Variants in DLG1 observed in about 807,000 individuals in gnomAD.
DLG1 encodes the protein discs large MAGUK scaffold protein 1, also known as disks large homolog 1.
A neutral mutation model predicts 123.4 loss-of-function variants in DLG1; 42 were observed. That is an observed-to-expected ratio of 0.34 (90% CI 0.27 to 0.44). The LOEUF (loss-of-function observed/expected upper bound fraction) is 0.44, where lower values mean the gene tolerates loss of function less well. Among genes scored for constraint, DLG1 ranks in the 20% least tolerant of loss-of-function variants. The pLI is 1.00. For missense variants in DLG1, 942 were observed against 1,082.6 expected (o/e 0.87, Z 1.82); for synonymous variants, 317 against 356.2 (o/e 0.89, Z 1.24).
chr3:197,283,954 TG>T (rs1249648731), intron 3 of DLG1, among the ~76,000 whole-genome samples: 5 of 148,142 alleles, frequency 3.4e-5, no homozygotes, highest in Non-Finnish European at 7.4e-5. Context: ...CTCCACCTCC[TG>T]GGTTCATGCG....
At chr3:197,154,233 T>G (rs1193784762) in intron 5 of DLG1, among the ~76,000 whole-genome samples, 1 of 148,150 alleles carries the variant, frequency 6.7e-6, no homozygotes, top group African/African-American at 2.5e-5. Context: ...ACCTAGGAGG[T>G]GGAGGTTGCA....
chr3:197,231,841 G>T, intron 4 of DLG1, among the ~76,000 whole-genome samples: 1 of 152,030 alleles, frequency 6.6e-6, no homozygotes, highest in East Asian at 1.9e-4. Flanking sequence ...TGATCAAACT[G>T]CACTACCTTG....
intron 10 of DLG1, among the ~76,000 whole-genome samples, chr3:197,132,041 C>T (rs1286966095): frequency 1.3e-5 from 2 of 152,258 alleles, no homozygotes; most frequent in South Asian, 2.1e-4. Context: ...GGTATTAGCA[C>T]ATAGTTACTC....
chr3:197,161,707 G>A, intron 5 of DLG1: 1 of 1,577,994 alleles, frequency 6.3e-7, no homozygotes, highest in East Asian at 2.4e-5. Flanking sequence ...CACAGGGACA[G>A]TGGGAGGAGA....
intron 6 of DLG1, among the ~76,000 whole-genome samples, chr3:197,147,432 G>GCGCACACACACA (rs967982862): frequency 1.4e-5 from 2 of 147,194 alleles, no homozygotes; most frequent in African/African-American, 5.0e-5. Flanking sequence ...TATATGGTGT[G>GCGCACACACACA]CACACACACA....
intron 4 of DLG1, among the ~76,000 whole-genome samples, chr3:197,200,953 T>C (rs1354583025): frequency 2.6e-5 from 4 of 152,220 alleles, no homozygotes; most frequent in Non-Finnish European, 5.9e-5. Flanking sequence ...TTCACCACTC[T>C]TATTCAACGC....
chr3:197,190,591 C>T (rs1718777074), intron 5 of DLG1, among the ~76,000 whole-genome samples: 1 of 152,182 alleles, frequency 6.6e-6, no homozygotes, highest in African/African-American at 2.4e-5. Context: ...CGCAACTGTG[C>T]CCGCACATTA....
At chr3:197,070,464 C>T (rs1742890729) in intron 18 of DLG1, 1 of 151,212 alleles carries the variant, frequency 6.6e-6, no homozygotes, top group Non-Finnish European at 1.5e-5. Context: ...CTATGTTGCC[C>T]ACACTGGTCT....
Position 197,059,981 on chromosome 3 carries a change from A to C in DLG1, c.2391T>G (p.Leu797=). ...TCTTTATGGCATTTCCAGACACATC[A>C]AGGATACAGTGTTTGCCCTAAAATA... ...EVAEKGKHCI[L]DVSGNAIKRL... Residue 797 remains leucine (L), a synonymous_variant, in exon 23 of 25, where the codon CTT becomes CTG. Transcript: ENST00000667157. 6.2e-7 allele frequency: 1 copy of C among 1,613,378 alleles called. No homozygotes were observed.
chr3:197,200,492 C>T (rs1355022007), intron 4 of DLG1, among the ~76,000 whole-genome samples: 2 of 152,038 alleles, frequency 1.3e-5, no homozygotes, highest in Non-Finnish European at 2.9e-5. Context: ...CCAGTATTAC[C>T]CTGTTATCAA....
At chr3:197,138,927 G>A (rs554851397) in intron 8 of DLG1, among the ~76,000 whole-genome samples, 16 of 152,222 alleles carry the variant, frequency 1.1e-4, no homozygotes, top group South Asian at 4.1e-4. Context: ...CTCACATCAC[G>A]AGTTTAAGGT....
At chr3:197,282,944 G>T in intron 3 of DLG1, 99 bp from the exon 4 acceptor site, 1 of 637,050 alleles carries the variant, frequency 1.6e-6, no homozygotes, top group Non-Finnish European at 2.6e-6. Context: ...TTTTACTCTA[G>T]ATTAGTAAAT....
intron 11 of DLG1, among the ~76,000 whole-genome samples, chr3:197,120,057 C>T (rs577424601): frequency 1.2e-3 from 183 of 152,132 alleles, no homozygotes; most frequent in African/African-American, 4.2e-3. Flanking sequence ...GTCAGGAGTT[C>T]GCGACCAGCC....
chr3:197,274,017 T>C (rs1579152773), intron 4 of DLG1, among the ~76,000 whole-genome samples: 2 of 152,274 alleles, frequency 1.3e-5, no homozygotes, highest in South Asian at 4.1e-4. Context: ...ATTGTTAAAA[T>C]GTCCATACTA....
intron 4 of DLG1, among the ~76,000 whole-genome samples, chr3:197,250,980 CAAAAAA>C (rs34378051): frequency 2.3e-5 from 2 of 87,128 alleles, no homozygotes; most frequent in Non-Finnish European, 2.3e-5. Context: ...AAGACTCCAT[CAAAAAA>C]AAAAAAAAAA....
rs1196677939 is a variant in DLG1, at chr3:197,241,239, G to A, written c.318+41440C>T. Among the ~76,000 whole-genome samples the A allele has an allele frequency of 2.0e-5, 3 of 151,952 alleles. No individual in the cohort carries two copies. The East Asian group carries it at 5.8e-4, about 29-fold the overall frequency. ...AACCATACAGGCCAGGAAGGGACAG[G>A]AACATTTTTAATGTGCTCAAAGAAA... On this transcript the variant is annotated intron_variant, in intron 4 of 24. Transcript: ENST00000667157.
intron 5 of DLG1, among the ~76,000 whole-genome samples, chr3:197,172,465 T>TA (rs1433046220): frequency 6.6e-6 from 1 of 152,212 alleles, no homozygotes; most frequent in Admixed American, 6.5e-5. Flanking sequence ...TTCTTCTACT[T>TA]AGAGCAGATT....
At chr3:197,245,936 T>A in intron 4 of DLG1, among the ~76,000 whole-genome samples, 1 of 146,606 alleles carries the variant, frequency 6.8e-6, no homozygotes, top group Non-Finnish European at 1.5e-5. Flanking sequence ...GGTTATCCAG[T>A]ACCTGGGTGA....
At chr3:197,223,985 A>G (rs1367043477) in intron 4 of DLG1, among the ~76,000 whole-genome samples, 2 of 152,186 alleles carry the variant, frequency 1.3e-5, no homozygotes, top group Admixed American at 6.5e-5. Context: ...TTGGAAAACA[A>G]TTTTTAAAAA....
Sources: allele counts gnomAD v4.1 joint callset (sites outside exome capture counted in the v4.1 genomes callset), GRCh38; gene constraint gnomAD v4.1.1; transcripts MANE v1.5; gene names NCBI Gene and HGNC (gene_info 2026-07-23, HGNC 2026-07-21).